Variants in TTI1 observed in about 807,000 individuals in gnomAD.
The protein encoded by TTI1 is TELO2-interacting protein 1 homolog.
TTI1 carries 52 observed loss-of-function variants against 85.4 expected under a neutral mutation model. The observed-to-expected ratio is 0.61, with a 90% CI of 0.49 to 0.77. TTI1 has a LOEUF of 0.77. TTI1 is among the 30% of genes least tolerant of loss of function. TTI1 has a pLI of 0.00. For missense variants in TTI1, 1,173 were observed against 1,296.0 expected, an observed-to-expected ratio of 0.91 and a Z score of 1.46; for synonymous variants, 512 against 503.9, an observed-to-expected ratio of 1.02 and a Z score of -0.22.
At chr20:38,029,360 A>C (rs1176736616) in intron 1 of TTI1, among the ~76,000 whole-genome samples, 2 of 152,024 alleles carry the variant, frequency 1.3e-5, no homozygotes, top group Non-Finnish European at 2.9e-5. Flanking sequence ...AAAAGGGGAA[A>C]AGTCTCAAAC....
chr20:37,985,496 T>C (rs576436508), intron 7 of TTI1, among the ~76,000 whole-genome samples: 26 of 150,944 alleles, frequency 1.7e-4, no homozygotes, highest in Non-Finnish European at 3.4e-4. Context: ...AGGGAGGCAG[T>C]GGGGGAGTGG....
chr20:38,000,672 G>A (rs1413622881), intron 4 of TTI1, among the ~76,000 whole-genome samples: 1 of 152,218 alleles, frequency 6.6e-6, no homozygotes, highest in Non-Finnish European at 1.5e-5. Context: ...ATTAGGCCAG[G>A]GAGTAAGAGA....
At chr20:38,006,066 T>A in intron 3 of TTI1, 131 bp downstream of exon 3, 1 of 998,442 alleles carries the variant, frequency 1.0e-6, no homozygotes, top group Non-Finnish European at 1.5e-6. Flanking sequence ...AACAGGAGAA[T>A]AGCTATGTTA....
Position 37,983,470 on chromosome 20 carries a change from T to G in TTI1, c.3256A>C (p.Lys1086Gln). The G allele has an allele frequency of 6.2e-7, 1 of 1,610,806 alleles. No individual in the cohort carries two copies. The highest frequency in any genetic ancestry group is 1.3e-5 in the African/African-American group (1 of 74,982). The change falls in exon 8 of 8, where the codon AAG (lysine) becomes CAG (glutamine). Residue 1086 changes from lysine (K) to glutamine (Q), a missense_variant. Physicochemically the swap from Lys to Gln is moderately conservative, Grantham distance 53 (BLOSUM62 1). Transcript: ENST00000373447. ...GGGGAGCAGGGTCACTGCAGCTCCTTGAGCAGCTGGAGCACGTTGGTCGTG... is the reference window on the plus strand; with the variant it reads ...GGGGAGCAGGGTCACTGCAGCTCCTGGAGCAGCTGGAGCACGTTGGTCGTG... ...PYTTNVLQLL[K>Q]ELQ
intron 7 of TTI1, among the ~76,000 whole-genome samples, chr20:37,990,175 CT>C (rs1046071218): frequency 6.6e-5 from 10 of 152,144 alleles, no homozygotes; most frequent in Admixed American, 6.5e-4. Context: ...CTTGTTTTTG[CT>C]GTTATTTTTC....
intron 2 of TTI1, among the ~76,000 whole-genome samples, chr20:38,007,523 A>G (rs528015185): frequency 6.6e-6 from 1 of 152,298 alleles, no homozygotes; most frequent in South Asian, 2.1e-4. Flanking sequence ...CTCTAATTTC[A>G]ATTATTTTTG....
chr20:38,023,856 A>G (rs1251843668), intron 1 of TTI1, among the ~76,000 whole-genome samples: 1 of 152,242 alleles, frequency 6.6e-6, no homozygotes, highest in African/African-American at 2.4e-5. Flanking sequence ...ACAAGGGAAG[A>G]GAGATACAAT....
chr20:38,030,935 G>A (rs200360921), intron 1 of TTI1, among the ~76,000 whole-genome samples: 29 of 152,130 alleles, frequency 1.9e-4, no homozygotes, highest in Non-Finnish European at 3.8e-4. Flanking sequence ...AAATGGAAGC[G>A]CTATTCTTAT....
In TTI1 at chr20:37,997,696, G is replaced by T. The variant is rs536132515; in HGVS notation, c.2794-743C>A. On this transcript the variant is annotated intron_variant, in intron 5 of 7. Transcript: ENST00000373447. The stretch of plus-strand genomic sequence containing the variant: ...GCACAGTGTTTGCTCATTTTGCAGA[G>T]AACAAGGCTCTCATTTTAGGTCCCT... Among the ~76,000 whole-genome samples, 6 of 152,302 alleles carry T rather than the reference G, an allele frequency of 3.9e-5. No individual in the cohort carries two copies. The East Asian group carries it at 9.6e-4, about 24-fold the overall frequency.
chr20:37,990,802 C>T (rs1043451722), intron 7 of TTI1, among the ~76,000 whole-genome samples: 1 of 152,168 alleles, frequency 6.6e-6, no homozygotes, highest in Non-Finnish European at 1.5e-5. Context: ...CATTCTGCTC[C>T]CAACCTGGCA....
At chr20:38,017,594 A>G (rs1165481082) in intron 1 of TTI1, among the ~76,000 whole-genome samples, 3 of 152,102 alleles carry the variant, frequency 2.0e-5, no homozygotes, top group African/African-American at 4.8e-5. Flanking sequence ...ATCTTGAGGG[A>G]CCTCCAAATA....
At chr20:38,032,837 G>T (rs907352514) in intron 1 of TTI1, among the ~76,000 whole-genome samples, 1 of 152,094 alleles carries the variant, frequency 6.6e-6, no homozygotes, top group Non-Finnish European at 1.5e-5. Context: ...GAGACGTTGC[G>T]CCAGGCCTCA....
At chr20:37,994,824 A>T (rs976781824) in intron 7 of TTI1, among the ~76,000 whole-genome samples, 1 of 152,218 alleles carries the variant, frequency 6.6e-6, no homozygotes, top group Non-Finnish European at 1.5e-5. Flanking sequence ...CTCAAGATTC[A>T]GCAAGGTCCA....
chr20:38,012,384 A>C lies in TTI1; in HGVS notation c.1433T>G (p.Phe478Cys), dbSNP rs766194927. The C allele has an allele frequency of 1.2e-6, 2 of 1,614,224 alleles. No individual in the cohort carries two copies. Among genetic ancestry groups the C allele is most frequent in the Admixed American group, 1.7e-5 (1 of 60,020 alleles). The change falls in exon 2 of 8, where the codon TTC becomes TGC. Residue 478 changes from phenylalanine (F) to cysteine (C), a missense_variant. Coordinates refer to ENST00000373447, the MANE Select transcript of TTI1 (RefSeq NM_001303457.2). Reference sequence around the variant, plus strand: ...CATGAAGATTCTCTCATCAGTGAAGAAGCGGAAATATCTCCTCTGGATGCG... The same window carrying C: ...CATGAAGATTCTCTCATCAGTGAAGCAGCGGAAATATCTCCTCTGGATGCG... ...WNRIQRRYFR[F>C]FTDERIFMLL...
At chr20:37,984,020 C>T (rs990137503) in intron 7 of TTI1, among the ~76,000 whole-genome samples, 15 of 152,318 alleles carry the variant, frequency 9.8e-5, no homozygotes, top group Non-Finnish European at 1.6e-4. Context: ...GCTCAGCTCA[C>T]AGGCCCAGCC....
Position 37,999,164 on chromosome 20 carries a change from C to T in TTI1, c.2793+24G>A, listed in dbSNP as rs757723744. 1.4e-5 allele frequency: 20 copies of T among 1,387,084 alleles called. No homozygotes were observed. The Middle Eastern group carries it at 8.0e-4, about 55-fold the overall frequency. The allele number at this position is 1,387,084 out of a possible 1,614,324, so 85.9% of individuals were successfully genotyped here. ...CTACTAACTCTACCCTCACAACAGA[C>T]CATGGGGGATGCTGGTGCAGTACCT... is the stretch of plus-strand genomic sequence containing the variant. On this transcript the variant is annotated intron_variant, in intron 5 of 7. Coordinates refer to ENST00000373447, the MANE Select transcript of TTI1 (RefSeq NM_001303457.2).
At chr20:38,030,326 T>A (rs2073890967) in intron 1 of TTI1, among the ~76,000 whole-genome samples, 2 of 152,076 alleles carry the variant, frequency 1.3e-5, no homozygotes, top group Non-Finnish European at 2.9e-5. Flanking sequence ...CGCCAAACAT[T>A]TAATGAAGAA....
rs982136256 is a variant in TTI1 at position 37,983,980 on chromosome 20, C to T, written c.3087-341G>A. Reference sequence around the variant, plus strand: ...CAGGAGTTTTCACAAAGAAGAAAAACGACAGAGTGTACCCTTTCTTAAAGG... The same window carrying T: ...CAGGAGTTTTCACAAAGAAGAAAAATGACAGAGTGTACCCTTTCTTAAAGG... On this transcript the variant is annotated intron_variant, in intron 7 of 7. Transcript: ENST00000373447. Among the ~76,000 whole-genome samples, 6 of 152,194 alleles carry T rather than the reference C, an allele frequency of 3.9e-5. No individual in the cohort carries two copies. The East Asian group carries it at 5.8e-4, about 15-fold the overall frequency.
chr20:38,018,493 T>C (rs2073716194), intron 1 of TTI1, among the ~76,000 whole-genome samples: 1 of 152,022 alleles, frequency 6.6e-6, no homozygotes, highest in South Asian at 2.1e-4. Context: ...ATAAAAGACG[T>C]GAATAAATGA....
Sources: gnomAD v4.1 joint callset for allele counts (sites outside exome capture counted in the v4.1 genomes callset) on GRCh38, gnomAD v4.1.1 for gene constraint, MANE v1.5 for transcripts, NCBI Gene and HGNC (gene_info 2026-07-23, HGNC 2026-07-21) for gene names.